AHCTF1: variants seen among roughly 807,000 people sequenced by gnomAD.
AHCTF1 encodes the protein protein ELYS.
A neutral mutation model predicts 248.4 loss-of-function variants in AHCTF1; 24 were observed. The observed-to-expected ratio is 0.10, with a 90% confidence interval of 0.07 to 0.14. AHCTF1 has a LOEUF of 0.14. Ranked by LOEUF, AHCTF1 falls within the 10% of genes least tolerant of loss-of-function variation. AHCTF1 has a pLI of 1.00. For missense variants in AHCTF1, 2,206 were observed against 2,636.2 expected (o/e 0.84, Z 3.57); for synonymous variants, 786 against 929.8 (o/e 0.85, Z 2.81).
intron 2 of AHCTF1, among the ~76,000 whole-genome samples, chr1:246,917,244 G>A (rs1009358528): frequency 2.0e-5 from 3 of 152,192 alleles, no homozygotes; most frequent in African/African-American, 4.8e-5. Context: ...GAACTAATTG[G>A]ATTTCCTTGC....
chr1:246,892,572 C>G (rs938740482), intron 14 of AHCTF1, among the ~76,000 whole-genome samples: 1 of 152,040 alleles, frequency 6.6e-6, no homozygotes, highest in South Asian at 2.1e-4. Context: ...CCGCCCGCCT[C>G]GGCCTCCCAA....
chr1:246,882,434 C>T (rs764937763), intron 21 of AHCTF1, among the ~76,000 whole-genome samples: 10 of 152,098 alleles, frequency 6.6e-5, no homozygotes, highest in Non-Finnish European at 1.2e-4. Flanking sequence ...ATTAAAACTT[C>T]TAAATCATAG....
intron 16 of AHCTF1, 64 bp downstream of exon 16, chr1:246,890,892 A>G: frequency 2.7e-6 from 3 of 1,106,724 alleles, no homozygotes; most frequent in South Asian, 2.5e-5. Context: ...TTAGAATACA[A>G]TAACAAAATT....
Position 246,895,881 on chromosome 1 carries a change from A to C in AHCTF1, c.1668T>G (p.Ser556Arg). 6.2e-7 allele frequency: 1 copy of C among 1,613,566 alleles called. No homozygotes were observed. Among genetic ancestry groups the C allele is most frequent in the East Asian group, 2.2e-5 (1 of 44,858 alleles). The change falls in exon 13 of 36, where the codon AGT becomes AGG. Residue 556 changes from serine (S) to arginine (R), a missense_variant. Physicochemically the swap from Ser to Arg is moderately radical, Grantham distance 110. Transcript: ENST00000648844. ...EAILSAAIQT[S>R]SLGLLTGYIR... ...TATAACCAGTCAAAAGTCCCAGGGA[A>C]CTAGTCTGAATTGCTGCTGACAATA...
rs1037675754 is a variant in AHCTF1, at chr1:246,907,691, C to T, written c.624G>A (p.Gly208=). 5.6e-6 allele frequency: 9 copies of T among 1,613,834 alleles called. No homozygotes were observed. Among genetic ancestry groups the T allele is most frequent in the Non-Finnish European group, 5.1e-6 (6 of 1,179,962 alleles). The part of the protein sequence containing the change: ...PHIRESVMRQ[G]RHLCFQLVSP... ...TTACTAACTGGAAACACAGATGGCGCCCTTGTCTCATTACACTTTCTCTAA... is the reference window on the plus strand; with the variant it reads ...TTACTAACTGGAAACACAGATGGCGTCCTTGTCTCATTACACTTTCTCTAA... The change falls in exon 5 of 36, where the codon GGG becomes GGA. Residue 208 remains glycine, a synonymous_variant. Coordinates refer to ENST00000648844, the MANE Select transcript of AHCTF1 (RefSeq NM_001323342.2).
intron 1 of AHCTF1, among the ~76,000 whole-genome samples, chr1:246,926,393 G>C (rs1443659739): frequency 6.6e-5 from 10 of 152,144 alleles, no homozygotes. Context: ...TTCTAGAAAA[G>C]AGGAGTACTT....
intron 31 of AHCTF1, 82 bp downstream of exon 31, chr1:246,855,648 A>G: frequency 9.2e-7 from 1 of 1,090,426 alleles, no homozygotes; most frequent in South Asian, 1.5e-5. Flanking sequence ...AACACAATAG[A>G]TTATTTTGTT....
rs1282926045 is a variant in AHCTF1, at chr1:246,840,332, A to C, written c.*474T>G. ...TAACATAGTAACAGCCAAAAACAAAAAAATACATTTTCTGATTAGAAATCT... is the reference window on the plus strand; with the variant it reads ...TAACATAGTAACAGCCAAAAACAAACAAATACATTTTCTGATTAGAAATCT... On this transcript the variant is annotated 3_prime_UTR_variant, in exon 36 of 36. Transcript: ENST00000648844. The C allele has an allele frequency of 6.6e-6, 1 of 152,670 alleles. No individual in the cohort carries two copies. Among genetic ancestry groups the C allele is most frequent in the Non-Finnish European group, 1.5e-5 (1 of 68,052 alleles). The allele number at this position is 152,670 out of a possible 1,614,324, so 9.5% of individuals were successfully genotyped here.
chr1:246,858,849 T>C (rs1024296632), intron 29 of AHCTF1, among the ~76,000 whole-genome samples: 8 of 152,084 alleles, frequency 5.3e-5, no homozygotes, highest in Non-Finnish European at 1.0e-4. Context: ...TGCCTAATAT[T>C]GTAAGAATAA....
Position 246,885,625 on chromosome 1 carries a change from T to C in AHCTF1, c.2528A>G (p.His843Arg). Residue 843 changes from histidine (H) to arginine (R), a missense_variant, in exon 21 of 36, where the codon CAT becomes CGT. Transcript: ENST00000648844. ...CATGAATGCCTGAATAATCTTTGAATGTTGCCATGACAAAGGTTTTGCAGT... is the reference window on the plus strand; with the variant it reads ...CATGAATGCCTGAATAATCTTTGAACGTTGCCATGACAAAGGTTTTGCAGT... ...PATAKPLSWQ[H>R]SKIIQAFMSQ... 6.2e-7 allele frequency: 1 copy of C among 1,612,926 alleles called. No individual in the cohort carries two copies. Among genetic ancestry groups the C allele is most frequent in the Middle Eastern group, 1.7e-4 (1 of 6,044 alleles).
At chr1:246,893,299 A>G (rs993689129) in intron 14 of AHCTF1, among the ~76,000 whole-genome samples, 24 of 152,210 alleles carry the variant, frequency 1.6e-4, no homozygotes, top group African/African-American at 5.8e-4. Context: ...AGTATAGTCT[A>G]AAAACACTAG....
In AHCTF1 at chr1:246,842,697, C is replaced by A. The variant is rs762171853; in HGVS notation, c.6605G>T (p.Ser2202Ile). 2.5e-6 allele frequency: 4 copies of A among 1,612,898 alleles called. No individual in the cohort carries two copies. Among genetic ancestry groups the A allele is most frequent in the Non-Finnish European group, 3.4e-6 (4 of 1,179,842 alleles). ...AGAACAGAACAGAAAGTCATACTTG[C>A]TTGCTTGTTTTGTTTTTGACGTCCT... ...RIRTSKTKQA[S>I]KNTEKESAWS... is the part of the protein sequence containing the mutation. Residue 2202 changes from serine (S) to isoleucine (I), a missense_variant, in exon 35 of 36, where the codon AGC becomes ATC. Physicochemically the swap from Ser to Ile is moderately radical, Grantham distance 142. Transcript: ENST00000648844.
chr1:246,915,636 CACTAG>C (rs1315759990), intron 3 of AHCTF1, among the ~76,000 whole-genome samples: 3 of 152,136 alleles, frequency 2.0e-5, no homozygotes, highest in Admixed American at 2.0e-4. Context: ...TGTCTTCTCC[CACTAG>C]ACTATAAGCT....
At chr1:246,929,776 G>A (rs776926702) in intron 1 of AHCTF1, among the ~76,000 whole-genome samples, 12 of 152,346 alleles carry the variant, frequency 7.9e-5, no homozygotes, top group Non-Finnish European at 1.2e-4. Context: ...TGTACCAGCC[G>A]GGCGCGGTGG....
chr1:246,841,100 C>G, intron 35 of AHCTF1, 102 bp from the exon 36 acceptor site: 1 of 937,380 alleles, frequency 1.1e-6, no homozygotes, highest in Non-Finnish European at 1.6e-6. Context: ...CTGCTTAGTG[C>G]TTTCATTTTA....
intron 3 of AHCTF1, 63 bp downstream of exon 3, chr1:246,916,079 T>G: frequency 6.5e-7 from 1 of 1,548,858 alleles, no homozygotes. Context: ...GTAACACACC[T>G]ATATAACCAG....
chr1:246,881,001 G>T (rs994835081), intron 21 of AHCTF1, among the ~76,000 whole-genome samples: 3 of 152,232 alleles, frequency 2.0e-5, no homozygotes, highest in Non-Finnish European at 4.4e-5. Flanking sequence ...AACCCATCCT[G>T]TGGCAAACTC....
chr1:246,880,944 T>C (rs1663356181), intron 21 of AHCTF1, among the ~76,000 whole-genome samples: 1 of 152,322 alleles, frequency 6.6e-6, no homozygotes. Context: ...GTCATTTTAA[T>C]AAGGAATGCA....
At chr1:246,926,291 A>G (rs1041813084) in intron 1 of AHCTF1, among the ~76,000 whole-genome samples, 4 of 152,258 alleles carry the variant, frequency 2.6e-5, no homozygotes, top group South Asian at 4.1e-4. Flanking sequence ...ACGTATTTCT[A>G]ATTCAAACTT....
Sources: gnomAD v4.1 joint callset for allele counts (sites outside exome capture counted in the v4.1 genomes callset) on GRCh38, gnomAD v4.1.1 for gene constraint, MANE v1.5 for transcripts, NCBI Gene and HGNC (gene_info 2026-07-23, HGNC 2026-07-21) for gene names.